MGAT4C: variants seen among roughly 807,000 people sequenced by gnomAD.
The protein encoded by MGAT4C is alpha-1,3-mannosyl-glycoprotein 4-beta-N-acetylglucosaminyltransferase C.
Under a neutral mutation model 40.1 loss-of-function variants are expected in MGAT4C, and 19 were observed. The observed-to-expected ratio is 0.47, with a 90% confidence interval of 0.33 to 0.70. The LOEUF is 0.70. Among genes scored for constraint, MGAT4C ranks in the 30% least tolerant of loss-of-function variants. The probability of loss-of-function intolerance (pLI) is 0.02; values close to 1 mark genes in which losing one functional copy is unlikely to be tolerated. For synonymous variants in MGAT4C, 181 were observed against 187.1 expected (o/e 0.97, Z 0.27); for missense variants, 491 against 563.2 (o/e 0.87, Z 1.30).
intron 2 of MGAT4C, among the ~76,000 whole-genome samples, chr12:86,673,200 G>C (rs1011341110): frequency 6.6e-6 from 1 of 152,150 alleles, no homozygotes; most frequent in Non-Finnish European, 1.5e-5. Flanking sequence ...AGACAAATCA[G>C]AGTTTTGCTA....
rs73380892 is a variant in MGAT4C, at chr12:86,166,692, A to G, written c.-57+89547T>C. Among the ~76,000 whole-genome samples the G allele has an allele frequency of 3.2e-3, 494 of 152,312 alleles. 2 individuals carry two copies. The highest frequency in any genetic ancestry group is 0.012 in the African/African-American group (482 of 41,584). On this transcript the variant is annotated intron_variant, in intron 1 of 4. Coordinates refer to ENST00000611864, the MANE Select transcript of MGAT4C (RefSeq NM_001351288.2). The stretch of plus-strand genomic sequence containing the variant: ...CAAAAAAAAAGTCTATTAAATAACT[A>G]TGGTTAGACATTTCTTAACATATAT...
At chr12:86,761,471 A>T (rs1297115583) in intron 1 of MGAT4C, among the ~76,000 whole-genome samples, 1 of 152,222 alleles carries the variant, frequency 6.6e-6, no homozygotes, top group Non-Finnish European at 1.5e-5. Context: ...CCAGGTATGG[A>T]TGTATTAATT....
chr12:86,511,436 A>C (rs1958583028), intron 2 of MGAT4C, among the ~76,000 whole-genome samples: 1 of 152,136 alleles, frequency 6.6e-6, no homozygotes, highest in Non-Finnish European at 1.5e-5. Flanking sequence ...TGCTATTATA[A>C]ATCGAACTGT....
intron 3 of MGAT4C, among the ~76,000 whole-genome samples, chr12:86,366,912 T>G (rs1955610667): frequency 6.6e-6 from 1 of 152,104 alleles, no homozygotes; most frequent in African/African-American, 2.4e-5. Context: ...TTTATAAAAA[T>G]TAACTTCTCA....
intron 2 of MGAT4C, among the ~76,000 whole-genome samples, chr12:86,468,872 A>G (rs1193105695): frequency 1.3e-5 from 2 of 152,148 alleles, no homozygotes; most frequent in Admixed American, 1.3e-4. Context: ...ACACTGTTGT[A>G]AATTACATTT....
chr12:86,472,777 G>T (rs761357317), intron 2 of MGAT4C, among the ~76,000 whole-genome samples: 13 of 151,996 alleles, frequency 8.6e-5, no homozygotes, highest in Non-Finnish European at 1.9e-4. Flanking sequence ...TTATGATTAA[G>T]TGACCAACAA....
intron 1 of MGAT4C, among the ~76,000 whole-genome samples, chr12:86,129,351 G>C (rs1486769049): frequency 4.6e-5 from 7 of 152,238 alleles, no homozygotes; most frequent in African/African-American, 1.4e-4. Flanking sequence ...TACAACTTGA[G>C]ATTATCTGTC....
intron 3 of MGAT4C, among the ~76,000 whole-genome samples, chr12:86,344,370 GA>G (rs1954970423): frequency 6.6e-6 from 1 of 152,148 alleles, no homozygotes; most frequent in East Asian, 1.9e-4. Flanking sequence ...GTAAGGCGCT[GA>G]AGAACTAAAT....
intron 2 of MGAT4C, among the ~76,000 whole-genome samples, chr12:86,466,928 T>A (rs576646538): frequency 6.6e-6 from 1 of 152,342 alleles, no homozygotes; most frequent in African/African-American, 2.4e-5. Context: ...GTTGTATAAT[T>A]TTTACTAATC....
At chr12:86,573,407 G>A (rs1960443714) in intron 2 of MGAT4C, among the ~76,000 whole-genome samples, 1 of 151,948 alleles carries the variant, frequency 6.6e-6, no homozygotes, top group African/African-American at 2.4e-5. Context: ...ACAGTTCAGT[G>A]TTATAAAAGA....
At chr12:86,696,226 G>T (rs954355650) in intron 2 of MGAT4C, among the ~76,000 whole-genome samples, 6 of 151,008 alleles carry the variant, frequency 4.0e-5, no homozygotes, top group Non-Finnish European at 5.9e-5. Flanking sequence ...AAAAAAAAAA[G>T]TATAATTGGA....
At chr12:86,498,263 A>G (rs554600891) in intron 2 of MGAT4C, among the ~76,000 whole-genome samples, 229 of 151,722 alleles carry the variant, frequency 1.5e-3, no homozygotes, top group African/African-American at 5.2e-3. Flanking sequence ...ACCTAATCAG[A>G]TATATACAGT....
chr12:86,675,700 A>G lies in MGAT4C; in HGVS notation c.-229+51509T>C, dbSNP rs112775229. On this transcript the variant is annotated intron_variant, in intron 2 of 7. Transcript: ENST00000548651. ...AGTGTTTTGCTTTTTATTTCCATTG[A>G]TACAAAATAGATGTACATATGTTGG... Among the ~76,000 whole-genome samples, 480 of 152,238 alleles carry G rather than the reference A, an allele frequency of 3.2e-3. 1 individual carries two copies. Among genetic ancestry groups the G allele is most frequent in the African/African-American group, 0.011 (464 of 41,550 alleles).
chr12:86,736,059 T>C (rs1950980971), intron 1 of MGAT4C, among the ~76,000 whole-genome samples: 1 of 151,886 alleles, frequency 6.6e-6, no homozygotes, highest in South Asian at 2.1e-4. Flanking sequence ...CTTTGTTCTT[T>C]GATAATCTTA....
intron 3 of MGAT4C, among the ~76,000 whole-genome samples, chr12:86,419,954 C>T (rs867561888): frequency 5.9e-5 from 9 of 152,124 alleles, no homozygotes; most frequent in South Asian, 2.1e-4. Flanking sequence ...ACTACTTAAA[C>T]TTAGCTTAAA....
At chr12:86,040,978 C>T (rs916267139) in intron 2 of MGAT4C, among the ~76,000 whole-genome samples, 1 of 152,144 alleles carries the variant, frequency 6.6e-6, no homozygotes, top group Non-Finnish European at 1.5e-5. Flanking sequence ...CGACGCCCCA[C>T]CCTGCTTCAA....
intron 2 of MGAT4C, among the ~76,000 whole-genome samples, chr12:86,009,440 T>G (rs769982684): frequency 1.2e-4 from 19 of 152,134 alleles, no homozygotes; most frequent in Non-Finnish European, 2.6e-4. Flanking sequence ...AGTATCTGCT[T>G]GTGAATTACA....
chr12:86,571,628 C>T (rs577783502), intron 2 of MGAT4C, among the ~76,000 whole-genome samples: 4 of 151,978 alleles, frequency 2.6e-5, no homozygotes, highest in East Asian at 1.9e-4. Flanking sequence ...TGTGTGTGCA[C>T]GTGCATATGT....
intron 1 of MGAT4C, among the ~76,000 whole-genome samples, chr12:86,778,871 TAAAAC>T (rs1951786044): frequency 6.6e-6 from 1 of 151,716 alleles, no homozygotes; most frequent in African/African-American, 2.4e-5. Context: ...CGGTTCCATA[TAAAAC>T]AAAACAAAAC....
Sources: gnomAD v4.1 joint callset for allele counts (sites outside exome capture counted in the v4.1 genomes callset) on GRCh38, gnomAD v4.1.1 for gene constraint, MANE v1.5 for transcripts, NCBI Gene and HGNC (gene_info 2026-07-23, HGNC 2026-07-21) for gene names.